GCA: variants seen among roughly 807,000 people sequenced by gnomAD.
GCA encodes grancalcin, also known as grancalcin, EF-hand calcium-binding protein.
GCA carries 30 observed loss-of-function variants against 32.6 expected under a neutral mutation model. That is an observed-to-expected ratio of 0.92 (90% CI 0.69 to 1.25). GCA has a LOEUF of 1.25. Among genes scored for constraint, GCA ranks in the 50% most tolerant of loss-of-function variants. The probability of loss-of-function intolerance (pLI) is 0.00; values close to 1 mark genes in which losing one functional copy is unlikely to be tolerated. For synonymous variants in GCA, 102 were observed against 84.6 expected (o/e 1.21, Z -1.13); for missense variants, 291 against 266.8 (o/e 1.09, Z -0.63).
At chr2:162,343,382 T>C (rs2105299437), upstream of GCA, among the ~76,000 whole-genome samples, 1 of 152,286 alleles carries the variant, frequency 6.6e-6, no homozygotes, top group East Asian at 1.9e-4. Context: ...AAAGGCTGAG[T>C]CAGATTATAT....
intron 1 of GCA, among the ~76,000 whole-genome samples, chr2:162,330,804 T>C (rs952243065): frequency 6.6e-6 from 1 of 152,240 alleles, no homozygotes; most frequent in Non-Finnish European, 1.5e-5. Context: ...GTGGCAGTTA[T>C]ATTCTATAAA....
At chr2:162,344,561 C>A (rs1228370456) in intron 1 of GCA, 3 of 501,520 alleles carry the variant, frequency 6.0e-6, no homozygotes, top group African/African-American at 1.9e-5. Flanking sequence ...AATGGAGGAA[C>A]AAGCCACCCT....
chr2:162,374,302 G>A (rs1275331998), downstream of GCA, among the ~76,000 whole-genome samples: 1 of 152,116 alleles, frequency 6.6e-6, no homozygotes, highest in Admixed American at 6.6e-5. Flanking sequence ...GACCCATCTG[G>A]CCTGCAAAAT....
intron 3 of GCA, 122 bp from the exon 4 acceptor site, chr2:162,356,316 T>G (rs1413371986): frequency 3.0e-6 from 2 of 670,884 alleles, no homozygotes; most frequent in Non-Finnish European, 5.4e-6. Context: ...AGCTTGTTGA[T>G]TGTGGTGATT....
intron 7 of GCA, among the ~76,000 whole-genome samples, chr2:162,359,803 T>C (rs1685482424): frequency 6.6e-6 from 1 of 151,108 alleles, no homozygotes; most frequent in Non-Finnish European, 1.5e-5. Context: ...AAAAAAATGA[T>C]CTTTCAAATC....
intron 1 of GCA, among the ~76,000 whole-genome samples, chr2:162,334,773 G>T (rs1471991064): frequency 7.2e-6 from 1 of 139,354 alleles, no homozygotes; most frequent in Non-Finnish European, 1.6e-5. Flanking sequence ...CACACAGGAG[G>T]TACTCGATGC....
upstream of GCA, among the ~76,000 whole-genome samples, chr2:162,342,975 TAC>T (rs1684500482): frequency 6.6e-6 from 1 of 152,242 alleles, no homozygotes; most frequent in Admixed American, 6.5e-5. Context: ...TGAAGGAACT[TAC>T]AGACACTTTC....
upstream of GCA, chr2:162,344,122 C>T: frequency 3.1e-6 from 3 of 961,466 alleles, no homozygotes; most frequent in Admixed American, 3.9e-5. Flanking sequence ...GAGGAGTGAA[C>T]TGTGCGGTTA....
rs996309892 is a variant in GCA at position 162,356,749 on chromosome 2, A to G, written c.307-9A>G. ...TATCAGAATTTATTTTTGTTAATAA[A>G]ACTATCAGAGAGATCACACAGGAAA... On this transcript the variant is annotated splice_polypyrimidine_tract_variant and intron_variant, in intron 4 of 7. Coordinates refer to ENST00000437150, the MANE Select transcript of GCA (RefSeq NM_012198.5). 13 of 1,586,608 alleles carry G rather than the reference A, an allele frequency of 8.2e-6. No individual in the cohort carries two copies. The highest frequency in any genetic ancestry group is 1.0e-5 in the Non-Finnish European group (12 of 1,162,484).
Position 162,352,340 on chromosome 2 carries a change from T to C in GCA, c.195T>C (p.Asp65=). 1 of 1,553,790 alleles carries C rather than the reference T, an allele frequency of 6.4e-7. No individual in the cohort carries two copies. The highest frequency in any genetic ancestry group is 8.9e-7 in the Non-Finnish European group (1 of 1,125,402). ...AGGTCATAATTATTTTTAAACAGGA[T>C]GGTGAAGTGGATGCTGAAGAACTTC... ...YTYFSAVAGQ[D]GEVDAEELQR... Residue 65 remains aspartate (D), a splice_region_variant and synonymous_variant, in exon 3 of 8, where the codon GAT becomes GAC. Transcript: ENST00000437150.
At chr2:162,372,905 A>G (rs1400290914), downstream of GCA, among the ~76,000 whole-genome samples, 1 of 152,126 alleles carries the variant, frequency 6.6e-6, no homozygotes, top group East Asian at 1.9e-4. Context: ...TGCTTCTCTT[A>G]CCATGTTTAT....
At chr2:162,341,833 T>C (rs1379941375), upstream of GCA, among the ~76,000 whole-genome samples, 1 of 152,214 alleles carries the variant, frequency 6.6e-6, no homozygotes. Flanking sequence ...TGCAACTGCA[T>C]TTGTGGGTAG....
intron 1 of GCA, among the ~76,000 whole-genome samples, chr2:162,321,911 TATATATATATATATA>T (rs1558881569): frequency 1.9e-5 from 2 of 105,050 alleles, no homozygotes; most frequent in Non-Finnish European, 3.9e-5. Context: ...TATATATATA[TATATATATATATATA>T]TATATATACA....
rs1406813775 is a variant in GCA, at chr2:162,359,502, A to C, written c.577A>C (p.Arg193=). The C allele has an allele frequency of 2.7e-6, 4 of 1,498,280 alleles. No homozygotes were observed. The highest frequency in any genetic ancestry group is 3.7e-6 in the Non-Finnish European group (4 of 1,087,028). The allele number at this position is 1,498,280 out of a possible 1,614,324, so 92.8% of individuals were successfully genotyped here. A position where few individuals can be genotyped will look rare whatever the true frequency, so the allele number is the denominator to read the frequency against. Residue 193 remains arginine, a synonymous_variant, in exon 7 of 8, where the codon AGG becomes CGG. Transcript: ENST00000437150. ...AATTTCTTTGTTTAAAGATTTCTTT[A>C]GGAAAAGAGACCACTTGCAACAAGG... ...VKLRALTDFF[R]KRDHLQQGSA...
intron 1 of GCA, among the ~76,000 whole-genome samples, chr2:162,331,835 T>C (rs1395479083): frequency 6.6e-6 from 1 of 152,232 alleles, no homozygotes; most frequent in Non-Finnish European, 1.5e-5. Flanking sequence ...TTATGTTTTT[T>C]AGATATCTTC....
At chr2:162,366,213 T>C (rs1685744120), downstream of GCA, among the ~76,000 whole-genome samples, 1 of 151,806 alleles carries the variant, frequency 6.6e-6, no homozygotes. Flanking sequence ...AGAATAACTA[T>C]GTTAATATTG....
At chr2:162,342,561 G>A (rs1684486692), upstream of GCA, among the ~76,000 whole-genome samples, 2 of 152,206 alleles carry the variant, frequency 1.3e-5, no homozygotes, top group East Asian at 3.9e-4. Context: ...GTCCTAAGAA[G>A]GCTGCTAGCA....
In GCA at chr2:162,352,241, A is replaced by G. The variant is rs1030074578; in HGVS notation, c.193-97A>G. ...TAATTATAGAGTAATGTTTCAAAGA[A>G]TGCATATGTCTTGATTGGCCTAGAA... On this transcript the variant is annotated intron_variant, in intron 2 of 7. Coordinates refer to ENST00000437150, the MANE Select transcript of GCA (RefSeq NM_012198.5). 5 of 715,154 alleles carry G rather than the reference A, an allele frequency of 7.0e-6. No homozygotes were observed. The Admixed American group carries it at 1.2e-4, about 17-fold the overall frequency. 44.3% of individuals were successfully genotyped at this position (715,154 alleles called of 1,614,324 possible). A position where few individuals can be genotyped will look rare whatever the true frequency, so the allele number is the denominator to read the frequency against.
At chr2:162,368,609 A>T (rs1292333871) in intron 4 of GCA, among the ~76,000 whole-genome samples, 1 of 152,036 alleles carries the variant, frequency 6.6e-6, no homozygotes, top group African/African-American at 2.4e-5. Flanking sequence ...TTTTGGAACC[A>T]TTTCTAAAGT....
Sources: allele counts gnomAD v4.1 joint callset (sites outside exome capture counted in the v4.1 genomes callset), GRCh38; gene constraint gnomAD v4.1.1; transcripts MANE v1.5; gene names NCBI Gene and HGNC (gene_info 2026-07-23, HGNC 2026-07-21).